The following PLCB1 variants were observed in gnomAD, a reference collection of about 807,000 sequenced individuals.
PLCB1 encodes phospholipase C beta 1, also known as 1-phosphatidylinositol 4,5-bisphosphate phosphodiesterase beta-1.
A neutral mutation model predicts 161.8 loss-of-function variants in PLCB1; 46 were observed. The observed-to-expected ratio is 0.28, with a 90% CI of 0.22 to 0.36. The LOEUF is 0.36. PLCB1 is among the 10% of genes least tolerant of loss of function. PLCB1 has a pLI of 1.00. For synonymous variants in PLCB1, 517 were observed against 503.7 expected, an observed-to-expected ratio of 1.03 and a Z score of -0.35; for missense variants, 1,016 against 1,472.5, an observed-to-expected ratio of 0.69 and a Z score of 5.07.
chr20:8,484,592 C>T (rs186204521), intron 3 of PLCB1, among the ~76,000 whole-genome samples: 1 of 151,930 alleles, frequency 6.6e-6, no homozygotes, highest in Non-Finnish European at 1.5e-5. Context: ...GAACTCCTGA[C>T]CTCAAGTGAT....
At chr20:8,774,946 C>T (rs1982871619) in intron 27 of PLCB1, among the ~76,000 whole-genome samples, 1 of 152,066 alleles carries the variant, frequency 6.6e-6, no homozygotes, top group Non-Finnish European at 1.5e-5. Flanking sequence ...TGTATTTTAT[C>T]ATTTTTATTT....
intron 31 of PLCB1, among the ~76,000 whole-genome samples, chr20:8,852,306 G>T (rs1401601870): frequency 6.6e-6 from 1 of 152,174 alleles, no homozygotes; most frequent in African/African-American, 2.4e-5. Context: ...GTGTTACAAA[G>T]TGTTCCTTTT....
chr20:8,658,500 T>G (rs199615909), intron 8 of PLCB1, 38 bp from the exon 9 acceptor site: 85 of 1,499,664 alleles, frequency 5.7e-5, no homozygotes, highest in Admixed American at 3.0e-4. Flanking sequence ...AAACTTAGTT[T>G]AAAAAATTCT....
chr20:8,700,870 AG>A (rs1437056820), intron 11 of PLCB1, among the ~76,000 whole-genome samples: 1 of 152,236 alleles, frequency 6.6e-6, no homozygotes, highest in African/African-American at 2.4e-5. Flanking sequence ...AGATGTGGGT[AG>A]GTGACAGTGG....
chr20:8,299,514 T>C (rs977946226), intron 2 of PLCB1, among the ~76,000 whole-genome samples: 3 of 152,182 alleles, frequency 2.0e-5, no homozygotes, highest in African/African-American at 7.2e-5. Flanking sequence ...ATACCTGCTG[T>C]CCACTCCCAA....
At chr20:8,523,197 A>G (rs1361961493) in intron 3 of PLCB1, among the ~76,000 whole-genome samples, 5 of 151,992 alleles carry the variant, frequency 3.3e-5, no homozygotes, top group South Asian at 2.1e-4. Context: ...CCACCCATCT[A>G]AACAACCCTC....
chr20:8,136,032 G>C (rs2051343710), intron 1 of PLCB1, among the ~76,000 whole-genome samples: 1 of 152,202 alleles, frequency 6.6e-6, no homozygotes, highest in African/African-American at 2.4e-5. Context: ...AGGACCCCCA[G>C]CCACTGATTT....
chr20:8,788,597 CCT>C, intron 28 of PLCB1, 34 bp from the exon 29 acceptor site: 1 of 1,591,832 alleles, frequency 6.3e-7, no homozygotes, highest in Non-Finnish European at 8.6e-7. Flanking sequence ...ATCTGATTTG[CCT>C]CTTTTTTCTC....
chr20:8,730,701 T>C (rs1054217360), intron 18 of PLCB1, among the ~76,000 whole-genome samples: 25 of 151,900 alleles, frequency 1.6e-4, no homozygotes, highest in African/African-American at 5.8e-4. Flanking sequence ...ACCTTTTTAA[T>C]TTTTAGTTTT....
chr20:8,259,756 T>A (rs1460349237), intron 2 of PLCB1, among the ~76,000 whole-genome samples: 3 of 152,204 alleles, frequency 2.0e-5, no homozygotes, highest in South Asian at 2.1e-4. Flanking sequence ...ATGCCAATTT[T>A]AAAAATAATT....
At chr20:8,773,422 C>T (rs377339847) in intron 26 of PLCB1, among the ~76,000 whole-genome samples, 1 of 152,352 alleles carries the variant, frequency 6.6e-6, no homozygotes, top group East Asian at 1.9e-4. Flanking sequence ...GAAGGACTCA[C>T]ACCATAAGTT....
chr20:8,708,140 A>G (rs1461117551), intron 11 of PLCB1, among the ~76,000 whole-genome samples: 1 of 152,184 alleles, frequency 6.6e-6, no homozygotes, highest in Non-Finnish European at 1.5e-5. Flanking sequence ...TATACTAAAA[A>G]CCATTGAACT....
rs150886661 is a variant in PLCB1, at chr20:8,243,997, A to AGAATG, written c.177+93627_177+93631dup. On this transcript the variant is annotated intron_variant, in intron 2 of 31. Coordinates refer to ENST00000338037, the MANE Select transcript of PLCB1 (RefSeq NM_015192.4). Reference sequence around the variant, plus strand: ...TCAGATTTATACTCTTTTGTATCAGAGAATGTCATGGTGAAAATTAATATA... The same window carrying AGAATG: ...TCAGATTTATACTCTTTTGTATCAGAGAATGGAATGTCATGGTGAAAATTAATATA... Among the ~76,000 whole-genome samples, 448 of 152,082 alleles carry AGAATG rather than the reference A, an allele frequency of 2.9e-3. 1 individual carries two copies. Among genetic ancestry groups the AGAATG allele is most frequent in the African/African-American group, 0.01 (417 of 41,520 alleles).
intron 3 of PLCB1, among the ~76,000 whole-genome samples, chr20:8,622,179 G>C (rs970383050): frequency 2.0e-5 from 3 of 151,774 alleles, no homozygotes; most frequent in Non-Finnish European, 4.4e-5. Context: ...GCTTGAACCA[G>C]GGAGGAAGAG....
chr20:8,636,858 A>T (rs780563997), intron 4 of PLCB1, among the ~76,000 whole-genome samples: 1 of 152,262 alleles, frequency 6.6e-6, no homozygotes, highest in South Asian at 2.1e-4. Flanking sequence ...TGAAAGAGAA[A>T]ACAGAAAACT....
intron 23 of PLCB1, among the ~76,000 whole-genome samples, chr20:8,743,386 CT>C (rs886185671): frequency 1.4e-4 from 21 of 151,906 alleles, no homozygotes; most frequent in Non-Finnish European, 2.9e-4. Flanking sequence ...TTGAACCATC[CT>C]TGCATCTCTG....
At chr20:8,739,763 C>G (rs545703949) in intron 21 of PLCB1, among the ~76,000 whole-genome samples, 4 of 152,252 alleles carry the variant, frequency 2.6e-5, no homozygotes, top group African/African-American at 9.6e-5. Flanking sequence ...ATGGACTTCT[C>G]TTGGCAGAAC....
At chr20:8,224,280 C>A (rs924453139) in intron 2 of PLCB1, among the ~76,000 whole-genome samples, 1 of 152,082 alleles carries the variant, frequency 6.6e-6, no homozygotes, top group African/African-American at 2.4e-5. Context: ...TAAAAATGAT[C>A]GTATCTATCT....
chr20:8,371,802 G>A (rs1264416087), intron 3 of PLCB1: 2 of 187,360 alleles, frequency 1.1e-5, no homozygotes, highest in East Asian at 1.4e-4. Flanking sequence ...CTAACCGTTA[G>A]ACATGATGAA....
Sources: allele counts gnomAD v4.1 joint callset (sites outside exome capture counted in the v4.1 genomes callset), GRCh38; gene constraint gnomAD v4.1.1; transcripts MANE v1.5; gene names NCBI Gene and HGNC (gene_info 2026-07-23, HGNC 2026-07-21).